The following WDR70 variants were observed in gnomAD, a reference collection of about 807,000 sequenced individuals.
WDR70 encodes the protein WD repeat domain 70.
Under a neutral mutation model 88.6 loss-of-function variants are expected in WDR70, and 53 were observed. That is an observed-to-expected ratio of 0.60 (90% CI 0.48 to 0.75). The LOEUF is 0.75. WDR70 is among the 30% of genes least tolerant of loss of function. The pLI is 0.00. For synonymous variants in WDR70, 280 were observed against 270.0 expected, an observed-to-expected ratio of 1.04 and a Z score of -0.36; for missense variants, 610 against 823.2, an observed-to-expected ratio of 0.74 and a Z score of 3.17.
At chr5:37,423,939 A>G (rs1255619582) in intron 5 of WDR70, among the ~76,000 whole-genome samples, 1 of 149,066 alleles carries the variant, frequency 6.7e-6, no homozygotes, top group Non-Finnish European at 1.5e-5. Context: ...ACCTGAGGTC[A>G]GGAGTTCAAG....
chr5:37,427,131 T>G (rs575383983), intron 5 of WDR70, among the ~76,000 whole-genome samples: 47 of 152,208 alleles, frequency 3.1e-4, no homozygotes, highest in African/African-American at 1.0e-3. Flanking sequence ...GGCTCACGCC[T>G]ATAATCCCAA....
intron 9 of WDR70, among the ~76,000 whole-genome samples, chr5:37,560,994 C>G (rs761532044): frequency 1.3e-5 from 2 of 151,700 alleles, no homozygotes; most frequent in African/African-American, 4.8e-5. Context: ...GAAAAAAATA[C>G]AAGTCAAAGC....
chr5:37,693,483 A>G (rs1475937383), intron 10 of WDR70, among the ~76,000 whole-genome samples: 1 of 152,246 alleles, frequency 6.6e-6, no homozygotes, highest in Non-Finnish European at 1.5e-5. Context: ...ACAGTAACCA[A>G]AACAGCATGG....
intron 2 of WDR70, 23 bp from the exon 3 acceptor site, chr5:37,381,579 T>A (rs1357622869): frequency 7.5e-6 from 12 of 1,603,640 alleles, no homozygotes; most frequent in Non-Finnish European, 1.0e-5. Flanking sequence ...ACAATCACAG[T>A]CTCCCATTTG....
intron 16 of WDR70, 68 bp from the exon 17 acceptor site, chr5:37,726,815 A>G: frequency 2.7e-6 from 4 of 1,475,260 alleles, no homozygotes; most frequent in Non-Finnish European, 3.6e-6. Context: ...AGTACAGTGT[A>G]CACAGATATA....
chr5:37,419,054 A>C (rs1016695942), intron 5 of WDR70, among the ~76,000 whole-genome samples: 1 of 151,016 alleles, frequency 6.6e-6, no homozygotes, highest in Non-Finnish European at 1.5e-5. Context: ...GTGAGCCACC[A>C]TGTTGGGCCC....
chr5:37,483,864 C>T (rs1311817133), intron 8 of WDR70, among the ~76,000 whole-genome samples: 3 of 151,994 alleles, frequency 2.0e-5, no homozygotes, highest in Admixed American at 6.6e-5. Flanking sequence ...TGGAGGGGCT[C>T]CTCACTTCTC....
chr5:37,522,738 A>G (rs1208014234), intron 9 of WDR70, among the ~76,000 whole-genome samples: 1 of 152,168 alleles, frequency 6.6e-6, no homozygotes, highest in African/African-American at 2.4e-5. Context: ...TATCCAAGGG[A>G]AGCTGTGACA....
chr5:37,656,281 C>T (rs536237295), intron 10 of WDR70, among the ~76,000 whole-genome samples: 78 of 152,332 alleles, frequency 5.1e-4, no homozygotes, highest in African/African-American at 1.8e-3. Flanking sequence ...GGCTGCAAAA[C>T]AGCAAAGATT....
chr5:37,427,646 T>C (rs538661404), intron 5 of WDR70, among the ~76,000 whole-genome samples: 1 of 152,136 alleles, frequency 6.6e-6, no homozygotes, highest in East Asian at 1.9e-4. Context: ...GAGGGCGAGG[T>C]GGGTGGATCG....
intron 17 of WDR70, among the ~76,000 whole-genome samples, chr5:37,744,801 ATGAT>A (rs1431975015): frequency 6.6e-6 from 1 of 152,142 alleles, no homozygotes; most frequent in Admixed American, 6.5e-5. Context: ...AAACGAACCT[ATGAT>A]TGATTGGAGT....
At chr5:37,467,704 TTTTTATTTTA>T (rs1157432183) in intron 7 of WDR70, among the ~76,000 whole-genome samples, 9 of 150,016 alleles carry the variant, frequency 6.0e-5, no homozygotes, top group African/African-American at 2.2e-4. Flanking sequence ...CCCGGCTAAT[TTTTTATTTTA>T]TTTTATTTTA....
At chr5:37,454,971 G>T (rs1411990749) in intron 7 of WDR70, among the ~76,000 whole-genome samples, 1 of 152,056 alleles carries the variant, frequency 6.6e-6, no homozygotes, top group African/African-American at 2.4e-5. Context: ...CAGTTTTTTG[G>T]TGTTCTGATT....
chr5:37,716,357 C>T (rs1007735882), intron 13 of WDR70, among the ~76,000 whole-genome samples: 2 of 152,126 alleles, frequency 1.3e-5, no homozygotes, highest in African/African-American at 4.8e-5. Flanking sequence ...GAACTGGGAA[C>T]TAGTGGGCTT....
chr5:37,459,398 A>G (rs1356526065), intron 7 of WDR70, among the ~76,000 whole-genome samples: 1 of 151,322 alleles, frequency 6.6e-6, no homozygotes, highest in African/African-American at 2.4e-5. Context: ...ATCTACAACT[A>G]TCTGATCTTT....
chr5:37,380,754 C>T, intron 2 of WDR70, among the ~76,000 whole-genome samples: 1 of 152,034 alleles, frequency 6.6e-6, no homozygotes, highest in East Asian at 1.9e-4. Context: ...CTTAAGCCAT[C>T]CTCCCACCTT....
At chr5:37,632,648 C>T (rs1380749823) in intron 10 of WDR70, among the ~76,000 whole-genome samples, 2 of 151,944 alleles carry the variant, frequency 1.3e-5, no homozygotes, top group African/African-American at 4.8e-5. Context: ...TATAGCTATA[C>T]AATGTGTGTT....
intron 5 of WDR70, among the ~76,000 whole-genome samples, chr5:37,419,510 C>CT (rs1292076107): frequency 2.0e-5 from 3 of 149,358 alleles, no homozygotes; most frequent in African/African-American, 4.9e-5. Flanking sequence ...AGCTGCTTTT[C>CT]TTTTTTTAAA....
At chr5:37,589,978 G>A (rs972633293) in intron 9 of WDR70, among the ~76,000 whole-genome samples, 2 of 152,130 alleles carry the variant, frequency 1.3e-5, no homozygotes, top group East Asian at 1.9e-4. Flanking sequence ...TGGTTTATAA[G>A]AGCAGAGTGT....
Sources: gnomAD v4.1 joint callset for allele counts (sites outside exome capture counted in the v4.1 genomes callset) on GRCh38, gnomAD v4.1.1 for gene constraint, MANE v1.5 for transcripts, NCBI Gene and HGNC (gene_info 2026-07-23, HGNC 2026-07-21) for gene names.